The following DERL1 variants were observed in gnomAD, a reference collection of about 807,000 sequenced individuals.
The protein encoded by DERL1 is derlin-1.
Under a neutral mutation model 41.6 loss-of-function variants are expected in DERL1, and 24 were observed. That is an observed-to-expected ratio of 0.58 (90% CI 0.42 to 0.81). DERL1 has a LOEUF of 0.81. DERL1 is among the 30% of genes least tolerant of loss of function. The pLI is 0.00. For synonymous variants in DERL1, 124 were observed against 112.5 expected (o/e 1.10, Z -0.65); for missense variants, 260 against 314.3 (o/e 0.83, Z 1.31).
chr8:123,028,410 T>C (rs930802704), intron 2 of DERL1, among the ~76,000 whole-genome samples: 3 of 152,178 alleles, frequency 2.0e-5, no homozygotes, highest in African/African-American at 7.2e-5. Flanking sequence ...GGTAAATCCA[T>C]ATACACGGAA....
chr8:123,030,781 AC>A (rs1187010462), intron 1 of DERL1, 65 bp from the exon 2 acceptor site: 1 of 1,155,636 alleles, frequency 8.7e-7, no homozygotes, highest in Non-Finnish European at 1.3e-6. Flanking sequence ...TTCCCTTCTA[AC>A]TAAACAAAAT....
At chr8:123,037,142 G>A (rs1242570940) in intron 1 of DERL1, among the ~76,000 whole-genome samples, 3 of 151,684 alleles carry the variant, frequency 2.0e-5, no homozygotes, top group Non-Finnish European at 4.4e-5. Flanking sequence ...AATAAAAATT[G>A]GCAACTATTT....
intron 1 of DERL1, among the ~76,000 whole-genome samples, chr8:123,037,944 A>G (rs1231657863): frequency 6.6e-6 from 1 of 152,218 alleles, no homozygotes; most frequent in Admixed American, 6.5e-5. Flanking sequence ...TAGTTAATCA[A>G]CGATTAATAT....
intron 7 of DERL1, chr8:123,016,607 T>C (rs1814579742): frequency 6.6e-6 from 1 of 152,218 alleles, no homozygotes; most frequent in South Asian, 2.1e-4. Context: ...GAGGTAGGCA[T>C]TACTATTACT....
chr8:123,028,585 A>G (rs1192338713), intron 2 of DERL1, among the ~76,000 whole-genome samples: 1 of 152,182 alleles, frequency 6.6e-6, no homozygotes, highest in Non-Finnish European at 1.5e-5. Context: ...ACACCTTAAA[A>G]TGGTTAAAAT....
chr8:123,032,826 T>A (rs987026887), intron 1 of DERL1, among the ~76,000 whole-genome samples: 2 of 152,018 alleles, frequency 1.3e-5, no homozygotes, highest in African/African-American at 4.8e-5. Context: ...TGGAATTGGT[T>A]CCTATGCCAA....
intron 1 of DERL1, among the ~76,000 whole-genome samples, chr8:123,032,145 T>TCCCC (rs1471111867): frequency 7.1e-6 from 1 of 141,598 alleles, no homozygotes; most frequent in Non-Finnish European, 1.6e-5. Flanking sequence ...ATTTTTTTTT[T>TCCCC]CCCCCCCGAG....
At position 123,014,548 on chromosome 8, in the gene DERL1, T is replaced by A. The variant is rs542341601; in HGVS notation, c.*899A>T. ...GCCCAGGAGCCTCTCAAAGAGAGCA[T>A]CTCCCTGTAGCCAACATGATCTGGA... On this transcript the variant is annotated 3_prime_UTR_variant, in exon 8 of 8. Coordinates refer to ENST00000259512, the MANE Select transcript of DERL1 (RefSeq NM_024295.6). 6.6e-6 allele frequency: 1 copy of A among 152,658 alleles called. No individual in the cohort carries two copies. Among genetic ancestry groups the A allele is most frequent in the African/African-American group, 2.4e-5 (1 of 41,544 alleles). 9.5% of individuals were successfully genotyped at this position (152,658 alleles called of 1,614,324 possible).
Position 123,032,890 on chromosome 8 carries a change from G to T in DERL1, c.154-2174C>A, listed in dbSNP as rs189841032. 1.5e-3 allele frequency among the ~76,000 whole-genome samples: 214 copies of T among 140,456 alleles called. 1 individual carries two copies. The highest frequency in any genetic ancestry group is 2.4e-3 in the Non-Finnish European group (157 of 66,116). 92.1% of individuals were successfully genotyped at this position (140,456 alleles called of 152,430 possible). The stretch of plus-strand genomic sequence containing the variant: ...TTTTTTTTTTTTTTTTTGAGACAAG[G>T]TCTCAGTCTGTTGCTCAGGCTGGAG... On this transcript the variant is annotated intron_variant, in intron 1 of 7. Transcript: ENST00000259512.
chr8:123,025,634 T>A (rs897289661), intron 2 of DERL1: 1 of 152,170 alleles, frequency 6.6e-6, no homozygotes, highest in Non-Finnish European at 1.5e-5. Context: ...CCTTAGATAC[T>A]GAAAAAGAAA....
At chr8:123,022,145 A>G (rs549894577) in intron 5 of DERL1, among the ~76,000 whole-genome samples, 1 of 152,340 alleles carries the variant, frequency 6.6e-6, no homozygotes, top group African/African-American at 2.4e-5. Context: ...AAAGAGAAAC[A>G]CAAAGTATTG....
In DERL1 at chr8:123,028,357, G is replaced by A. The variant is rs527649754; in HGVS notation, c.265+2248C>T. Among the ~76,000 whole-genome samples, 60 of 152,312 alleles carry A rather than the reference G, an allele frequency of 3.9e-4. 2 individuals are homozygous for A. In the South Asian group the frequency reaches 0.011, roughly 28 times the overall value. ...GAACCTTAAAAACATTGTGCAAAGT[G>A]AAAGAAGCCAGTCACCAAAGGACAT... On this transcript the variant is annotated intron_variant, in intron 2 of 7. Transcript: ENST00000259512.
At position 123,042,233 on chromosome 8, in the gene DERL1, A is replaced by C. The variant is rs1813098378; in HGVS notation, c.-111T>G. 5.2e-6 allele frequency: 7 copies of C among 1,349,872 alleles called. No homozygotes were observed. The highest frequency in any genetic ancestry group is 4.8e-6 in the Non-Finnish European group (5 of 1,033,550). The allele number at this position is 1,349,872 out of a possible 1,614,324, so 83.6% of individuals were successfully genotyped here. A position where few individuals can be genotyped will look rare whatever the true frequency, so the allele number is the denominator to read the frequency against. On this transcript the variant is annotated 5_prime_UTR_variant, in exon 1 of 8. Coordinates refer to ENST00000259512, the MANE Select transcript of DERL1 (RefSeq NM_024295.6). ...TAGGTGTCTAGGTGGAAGCCGCCGA[A>C]GCCGCGATGCAGAAGGCGGAGACGG...
chr8:123,021,562 G>C, intron 5 of DERL1, 63 bp from the exon 6 acceptor site: 1 of 1,449,808 alleles, frequency 6.9e-7, no homozygotes, highest in Non-Finnish European at 9.7e-7. Context: ...CAGCTACTAC[G>C]GGGACTAAAG....
intron 1 of DERL1, among the ~76,000 whole-genome samples, chr8:123,036,010 G>A (rs2130493492): frequency 6.6e-6 from 1 of 152,142 alleles, no homozygotes. Flanking sequence ...TTTTTGCTGG[G>A]TGGGGAGACA....
intron 1 of DERL1, among the ~76,000 whole-genome samples, chr8:123,034,601 A>G (rs1812885244): frequency 6.6e-6 from 1 of 152,218 alleles, no homozygotes; most frequent in South Asian, 2.1e-4. Context: ...ATTTTATCCC[A>G]GACAGTCTGA....
intron 2 of DERL1, among the ~76,000 whole-genome samples, chr8:123,026,373 A>T (rs1812691018): frequency 6.6e-6 from 1 of 152,244 alleles, no homozygotes; most frequent in African/African-American, 2.4e-5. Context: ...AAAATATTGT[A>T]ATCATATAAA....
chr8:123,030,887 T>C (rs1463053476), intron 1 of DERL1, 171 bp from the exon 2 acceptor site: 1 of 592,870 alleles, frequency 1.7e-6, no homozygotes, highest in African/African-American at 1.9e-5. Context: ...CCAAATACAA[T>C]CACATCACTT....
At chr8:123,040,679 G>T (rs1813035885) in intron 1 of DERL1, among the ~76,000 whole-genome samples, 1 of 152,206 alleles carries the variant, frequency 6.6e-6, no homozygotes. Flanking sequence ...CAGTGATAAT[G>T]GCTTGCAATG....
Sources: gnomAD v4.1 joint callset for allele counts (sites outside exome capture counted in the v4.1 genomes callset) on GRCh38, gnomAD v4.1.1 for gene constraint, MANE v1.5 for transcripts, NCBI Gene and HGNC (gene_info 2026-07-23, HGNC 2026-07-21) for gene names.